PHF24: variants seen among roughly 807,000 people sequenced by gnomAD.
The protein encoded by PHF24 is Galpha inhibitory interacting protein.
In PHF24, 25 loss-of-function variants were observed where a neutral mutation model predicts 42.6. The observed-to-expected ratio is 0.59, with a 90% CI of 0.43 to 0.82. The LOEUF is 0.82. Ranked by LOEUF, PHF24 falls within the 40% of genes least tolerant of loss-of-function variation. PHF24 has a pLI of 0.00. For missense variants in PHF24, 470 were observed against 538.1 expected (o/e 0.87, Z 1.25); for synonymous variants, 185 against 204.8 (o/e 0.90, Z 0.83).
the PHF24 span, among the ~76,000 whole-genome samples, chr9:34,799,597 T>G: frequency 6.6e-6 from 1 of 152,226 alleles, no homozygotes; most frequent in African/African-American, 2.4e-5. Context: ...CCTTTTTTGC[T>G]GTTCAATCAG....
At chr9:34,783,894 A>G in the PHF24 span, among the ~76,000 whole-genome samples, 4 of 152,170 alleles carry the variant, frequency 2.6e-5, no homozygotes, top group African/African-American at 9.7e-5. Context: ...GTTCTAGCCC[A>G]TTTGTAATTT....
the PHF24 span, chr9:34,724,380 G>C: frequency 6.4e-7 from 1 of 1,550,682 alleles, no homozygotes; most frequent in East Asian, 2.4e-5. Flanking sequence ...TCTGGATTAG[G>C]GGCAGGAAGA....
intron 3 of PHF24, among the ~76,000 whole-genome samples, chr9:34,972,923 A>AG (rs1827054592): frequency 6.6e-6 from 1 of 151,766 alleles, no homozygotes; most frequent in Admixed American, 6.6e-5. Context: ...GAAAAAAAAA[A>AG]AAAAAAAAAG....
the PHF24 span, chr9:34,726,797 G>A: frequency 5.2e-6 from 8 of 1,551,644 alleles, no homozygotes; most frequent in African/African-American, 1.1e-4. Context: ...CTGATCTAAA[G>A]ACATACTAGA....
chr9:34,668,114 G>C, the PHF24 span, among the ~76,000 whole-genome samples: 1 of 152,234 alleles, frequency 6.6e-6, no homozygotes, highest in African/African-American at 2.4e-5. Flanking sequence ...CCCCAGAGTT[G>C]TTGGTATCTC....
At chr9:34,862,893 C>T in the PHF24 span, among the ~76,000 whole-genome samples, 120 of 151,886 alleles carry the variant, frequency 7.9e-4, no homozygotes, top group Non-Finnish European at 1.9e-4. Context: ...CTGGACCTGC[C>T]CTGGGCCAGA....
chr9:34,953,511 G>A (rs1015854736), upstream of PHF24, among the ~76,000 whole-genome samples: 1 of 152,146 alleles, frequency 6.6e-6, no homozygotes, highest in Non-Finnish European at 1.5e-5. This position sits in a 1 kb window ranked among gnomAD's most constrained non-coding sequence, Gnocchi z 4.1. Flanking sequence ...GGTAGGACAG[G>A]TATTAAGGGA....
chr9:34,724,201 C>T, the PHF24 span: 5 of 1,551,456 alleles, frequency 3.2e-6, no homozygotes, highest in Admixed American at 5.9e-5. Flanking sequence ...TCACATTGGC[C>T]TCTACCTGAA....
chr9:34,881,684 A>G, the PHF24 span, among the ~76,000 whole-genome samples: 1 of 152,196 alleles, frequency 6.6e-6, no homozygotes, highest in East Asian at 1.9e-4. Context: ...CTCTGAATAG[A>G]CCAATAACAG....
the PHF24 span, among the ~76,000 whole-genome samples, chr9:34,807,676 TAA>T: frequency 1.3e-5 from 2 of 152,292 alleles, no homozygotes; most frequent in East Asian, 3.9e-4. Context: ...TAATTAGCGC[TAA>T]ATAAGTGATA....
At chr9:34,702,775 A>G in the PHF24 span, among the ~76,000 whole-genome samples, 22 of 152,156 alleles carry the variant, frequency 1.4e-4, no homozygotes, top group Non-Finnish European at 5.9e-5. Flanking sequence ...GCACCATTGC[A>G]CTCCAGCCTG....
the PHF24 span, among the ~76,000 whole-genome samples, chr9:34,794,477 A>G: frequency 6.6e-6 from 1 of 152,350 alleles, no homozygotes; most frequent in African/African-American, 2.4e-5. Context: ...ATAGAAAAAT[A>G]CAATCAACAG....
the PHF24 span, among the ~76,000 whole-genome samples, chr9:34,762,523 T>C: frequency 2.8e-5 from 4 of 145,186 alleles, no homozygotes; most frequent in East Asian, 2.0e-4. Context: ...TCATGTCATT[T>C]GCCCACTTTT....
At chr9:34,925,012 G>T in the PHF24 span, among the ~76,000 whole-genome samples, 2 of 152,028 alleles carry the variant, frequency 1.3e-5, no homozygotes, top group Non-Finnish European at 2.9e-5. Context: ...CCAGATGTAG[G>T]ACTCCCTTGA....
the PHF24 span, among the ~76,000 whole-genome samples, chr9:34,796,392 C>T: frequency 6.7e-6 from 1 of 149,792 alleles, no homozygotes; most frequent in Non-Finnish European, 1.5e-5. Context: ...AATAAAATTT[C>T]TTCATTGCAA....
the PHF24 span, among the ~76,000 whole-genome samples, chr9:34,787,035 T>A: frequency 6.6e-6 from 1 of 152,058 alleles, no homozygotes; most frequent in Non-Finnish European, 1.5e-5. Flanking sequence ...CAGGACTTTG[T>A]GGCCAGCGCT....
the PHF24 span, among the ~76,000 whole-genome samples, chr9:34,804,459 C>T: frequency 3.4e-3 from 522 of 152,210 alleles, 9 homozygotes; most frequent in Admixed American, 0.027. Context: ...CAGCATTAAA[C>T]GATTTTGTAA....
the PHF24 span, among the ~76,000 whole-genome samples, chr9:34,712,593 T>C: frequency 6.6e-6 from 1 of 152,178 alleles, no homozygotes; most frequent in Non-Finnish European, 1.5e-5. Flanking sequence ...GCTTCCAGAA[T>C]TTCTGCTTGA....
chr9:34,918,031 G>A, the PHF24 span: 53 of 1,273,514 alleles, frequency 4.2e-5, no homozygotes, highest in Non-Finnish European at 5.9e-5. Flanking sequence ...TACCACATCT[G>A]TGCCTGTGAT....
Sources: gnomAD v4.1 joint callset for allele counts (sites outside exome capture counted in the v4.1 genomes callset) on GRCh38, gnomAD v4.1.1 for gene constraint, Gnocchi (gnomAD v3.1) non-coding constraint, MANE v1.5 for transcripts, NCBI Gene and HGNC (gene_info 2026-07-23, HGNC 2026-07-21) for gene names.